NCOA1: variants seen among roughly 807,000 people sequenced by gnomAD.
NCOA1 encodes the protein Hin-2 protein.
In NCOA1, 35 loss-of-function variants were observed where a neutral mutation model predicts 150.9. The observed-to-expected ratio is 0.23, with a 90% CI of 0.18 to 0.31. The LOEUF is 0.31. Ranked by LOEUF, NCOA1 falls within the 10% of genes least tolerant of loss-of-function variation. The probability of loss-of-function intolerance (pLI) is 1.00; values close to 1 mark genes in which losing one functional copy is unlikely to be tolerated. For synonymous variants in NCOA1, 590 were observed against 630.0 expected (o/e 0.94, Z 0.95); for missense variants, 1,491 against 1,749.3 (o/e 0.85, Z 2.63).
At chr2:24,525,813 G>A (rs1438414829) in intron 1 of NCOA1, among the ~76,000 whole-genome samples, 1 of 152,132 alleles carries the variant, frequency 6.6e-6, no homozygotes, top group Non-Finnish European at 1.5e-5. Context: ...CTCCCAAAGT[G>A]CTGGGATTAC....
chr2:24,519,894 A>T (rs759663205), intron 1 of NCOA1, among the ~76,000 whole-genome samples: 3 of 152,226 alleles, frequency 2.0e-5, no homozygotes, highest in Non-Finnish European at 4.4e-5. Context: ...ATTCCAGAAT[A>T]TATAGAGTTA....
intron 19 of NCOA1, 39 bp downstream of exon 19, chr2:24,742,225 A>G (rs1403449492): frequency 1.3e-6 from 2 of 1,565,790 alleles, no homozygotes; most frequent in Non-Finnish European, 1.7e-6. Flanking sequence ...TAAGTAATCC[A>G]TACAGGCTTA....
chr2:24,735,057 GAC>G (rs1356019934), intron 17 of NCOA1, among the ~76,000 whole-genome samples: 1 of 152,092 alleles, frequency 6.6e-6, no homozygotes, highest in Non-Finnish European at 1.5e-5. Flanking sequence ...TCTTATACAA[GAC>G]ACAAAAATAA....
At chr2:24,563,862 G>A (rs1558797228) in intron 1 of NCOA1, among the ~76,000 whole-genome samples, 1 of 152,144 alleles carries the variant, frequency 6.6e-6, no homozygotes, top group Non-Finnish European at 1.5e-5. Flanking sequence ...AGTGGCCTAG[G>A]ACGGAATAAT....
At chr2:24,524,318 C>T (rs1664562902) in intron 1 of NCOA1, among the ~76,000 whole-genome samples, 2 of 152,120 alleles carry the variant, frequency 1.3e-5, no homozygotes, top group Admixed American at 1.3e-4. Flanking sequence ...GTTTTTTAGA[C>T]AGGGTCGCAC....
intron 1 of NCOA1, among the ~76,000 whole-genome samples, chr2:24,516,318 G>A (rs1664161537): frequency 6.8e-6 from 1 of 146,346 alleles, no homozygotes; most frequent in South Asian, 2.2e-4. Context: ...TCAGCCTCCC[G>A]AGTAGCTGGG....
chr2:24,694,225 A>G (rs1270155931), intron 10 of NCOA1, among the ~76,000 whole-genome samples: 1 of 152,196 alleles, frequency 6.6e-6, no homozygotes, highest in Non-Finnish European at 1.5e-5. Context: ...ACTGTTCTTT[A>G]TAGTTGATGA....
intron 1 of NCOA1, among the ~76,000 whole-genome samples, chr2:24,558,439 A>T (rs951799528): frequency 2.0e-5 from 3 of 152,142 alleles, no homozygotes; most frequent in Non-Finnish European, 2.9e-5. Flanking sequence ...GCACTTCTGA[A>T]ATGGTGGTGG....
rs1228172667 is a variant in NCOA1 at position 24,706,966 on chromosome 2, C to T, written c.1496C>T (p.Thr499Ile). ...PRRQVTSGLATRPRMPNNSFP... is the reference protein window; with the variant it reads ...PRRQVTSGLAIRPRMPNNSFP... ...AGACAGGTTACTTCTGGATTGGCAA[C>T]AAGGCCCAGGATGCCAAACAATTCC... Residue 499 changes from threonine to isoleucine, a missense_variant, in exon 13 of 23, where the codon ACA (threonine) becomes ATA (isoleucine). This residue lies in a region of NCOA1 where 703 missense variants were observed against 717.7 expected (regional missense o/e 0.98). Transcript: ENST00000348332. 7.4e-6 allele frequency: 12 copies of T among 1,614,172 alleles called. No individual in the cohort carries two copies. The highest frequency in any genetic ancestry group is 2.7e-5 in the African/African-American group (2 of 75,048).
At chr2:24,692,073 A>G (rs938516461) in intron 9 of NCOA1, among the ~76,000 whole-genome samples, 4 of 151,968 alleles carry the variant, frequency 2.6e-5, no homozygotes, top group Admixed American at 6.6e-5. Flanking sequence ...TTCAGGCTAT[A>G]CAAGGTAATT....
chr2:24,702,432 C>T (rs2148584836), intron 11 of NCOA1, among the ~76,000 whole-genome samples: 1 of 152,208 alleles, frequency 6.6e-6, no homozygotes, highest in East Asian at 1.9e-4. Flanking sequence ...TTTCACCTGC[C>T]TATTTTGTTA....
chr2:24,726,515 A>G (rs1674629485), intron 14 of NCOA1, 74 bp from the exon 15 acceptor site: 1 of 855,506 alleles, frequency 1.2e-6, no homozygotes, highest in Non-Finnish European at 1.8e-6. Context: ...ACTCTCCAAT[A>G]TATTATTTTT....
chr2:24,574,485 T>C (rs1319683964), intron 2 of NCOA1, among the ~76,000 whole-genome samples: 1 of 152,156 alleles, frequency 6.6e-6, no homozygotes, highest in Non-Finnish European at 1.5e-5. Context: ...CTGCTTTTTT[T>C]TAGTTTCTAT....
At chr2:24,690,651 CAA>C (rs70947837) in intron 8 of NCOA1, among the ~76,000 whole-genome samples, 2,512 of 37,938 alleles carry the variant, frequency 0.066, 4 homozygotes, top group Non-Finnish European at 0.085. Flanking sequence ...GATTCCATCT[CAA>C]AAAAAAAAAA....
intron 3 of NCOA1, among the ~76,000 whole-genome samples, chr2:24,641,278 ATATAT>A (rs1334147925): frequency 1.3e-5 from 2 of 151,252 alleles, no homozygotes; most frequent in African/African-American, 2.4e-5. Flanking sequence ...TTAACATTTA[ATATAT>A]TATAAACTCC....
At position 24,741,626 on chromosome 2, in the gene NCOA1, A is replaced by C. The variant is rs17046513; in HGVS notation, c.3304-158A>C. On this transcript the variant is annotated intron_variant, in intron 18 of 22. Coordinates refer to ENST00000348332, the MANE Select transcript of NCOA1 (RefSeq NM_003743.5). ...ATTTTTTCTCCTGTGATTGTTACTTAAGAGGTTTTTGTTCCTTTTCTGTTT... is the reference window on the plus strand; with the variant it reads ...ATTTTTTCTCCTGTGATTGTTACTTCAGAGGTTTTTGTTCCTTTTCTGTTT... 0.046 allele frequency among the ~76,000 whole-genome samples: 7,017 copies of C among 152,288 alleles called. 257 individuals carry two copies. The highest frequency in any genetic ancestry group is 0.19 in the East Asian group (991 of 5,182).
At chr2:24,507,606 G>C (rs1049749644) in intron 1 of NCOA1, among the ~76,000 whole-genome samples, 1 of 151,190 alleles carries the variant, frequency 6.6e-6, no homozygotes, top group African/African-American at 2.4e-5. Flanking sequence ...CAGATCTATT[G>C]TTTTTTATCA....
At chr2:24,627,780 T>C (rs1322207221) in intron 3 of NCOA1, among the ~76,000 whole-genome samples, 1 of 152,220 alleles carries the variant, frequency 6.6e-6, no homozygotes, top group Non-Finnish European at 1.5e-5. Context: ...ACTTGCAGTT[T>C]AGGTGTTAGG....
intron 3 of NCOA1, among the ~76,000 whole-genome samples, chr2:24,600,885 T>C (rs1223879048): frequency 6.6e-6 from 1 of 152,226 alleles, no homozygotes; most frequent in Admixed American, 6.5e-5. Flanking sequence ...ATAAAACTAT[T>C]CTGTTCACCT....
Sources: allele counts gnomAD v4.1 joint callset (sites outside exome capture counted in the v4.1 genomes callset), GRCh38; gene constraint gnomAD v4.1.1; regional missense constraint gnomAD v4.1.1; transcripts MANE v1.5; gene names NCBI Gene and HGNC (gene_info 2026-07-23, HGNC 2026-07-21).